Variants in RGS17 observed in about 807,000 individuals in gnomAD.
RGS17 encodes regulator of G-protein signaling 17.
In RGS17, 12 loss-of-function variants were observed where a neutral mutation model predicts 25.5. The ratio of observed to expected loss-of-function variants is 0.47; its 90% CI spans 0.30 to 0.76. RGS17 has a LOEUF of 0.76. Ranked by LOEUF, RGS17 falls within the 30% of genes least tolerant of loss-of-function variation. RGS17 has a pLI of 0.07. For synonymous variants in RGS17, 71 were observed against 76.9 expected, an observed-to-expected ratio of 0.92 and a Z score of 0.40; for missense variants, 196 against 242.2, an observed-to-expected ratio of 0.81 and a Z score of 1.27.
chr6:153,104,648 A>G (rs946896045), intron 1 of RGS17, among the ~76,000 whole-genome samples: 10 of 152,206 alleles, frequency 6.6e-5, no homozygotes, highest in Non-Finnish European at 1.2e-4. Flanking sequence ...AGGATACAGT[A>G]GTGAATAAAA....
chr6:153,056,844 GTGT>G (rs1776568038), intron 1 of RGS17, among the ~76,000 whole-genome samples: 1 of 31,956 alleles, frequency 3.1e-5, no homozygotes, highest in Non-Finnish European at 7.2e-5. Context: ...AGGGCTGTGT[GTGT>G]GTGTGTGTGT....
At chr6:153,105,229 T>C (rs1777361793) in intron 1 of RGS17, among the ~76,000 whole-genome samples, 1 of 152,136 alleles carries the variant, frequency 6.6e-6, no homozygotes, top group African/African-American at 2.4e-5. Flanking sequence ...TACTTCATCG[T>C]CCAATTTAAT....
intron 1 of RGS17, among the ~76,000 whole-genome samples, chr6:153,103,846 G>A (rs1006954332): frequency 5.3e-5 from 8 of 152,298 alleles, no homozygotes; most frequent in Admixed American, 5.2e-4. Context: ...TAGAGGAAGA[G>A]AGGTAAACAT....
chr6:153,098,086 T>C (rs1480453774), intron 1 of RGS17, among the ~76,000 whole-genome samples: 1 of 152,164 alleles, frequency 6.6e-6, no homozygotes, highest in East Asian at 1.9e-4. Context: ...TCAGGTTTCT[T>C]AGATCGAGAA....
rs537585268 is a variant in RGS17 at position 153,130,785 on chromosome 6, C to T, written c.-26+339G>A. On this transcript the variant is annotated intron_variant, in intron 1 of 4. Transcript: ENST00000206262. The surrounding 1 kb of genome is among the most constrained non-coding windows in gnomAD (Gnocchi z 6.4). ...CCCCCAGCAGGCGCCCCGCTCTCCG[C>T]GGGAACTCTGGGACCTGGCCGAGCG... is the stretch of plus-strand genomic sequence containing the variant. 1.3e-5 allele frequency among the ~76,000 whole-genome samples: 2 copies of T among 152,214 alleles called. No individual in the cohort carries two copies. The highest frequency in any genetic ancestry group is 4.1e-4 in the South Asian group (2 of 4,830).
chr6:153,123,222 G>C (rs900054418), intron 1 of RGS17, among the ~76,000 whole-genome samples: 1 of 151,960 alleles, frequency 6.6e-6, no homozygotes, highest in African/African-American at 2.4e-5. Context: ...TAAACTCATA[G>C]GTCACAGGTA....
At chr6:153,025,687 CAT>C (rs1306428826) in intron 3 of RGS17, among the ~76,000 whole-genome samples, 4 of 126,120 alleles carry the variant, frequency 3.2e-5, no homozygotes, top group South Asian at 2.9e-4. Context: ...TATATATAAA[CAT>C]ATATATAAAA....
At chr6:153,020,105 A>T (rs1427310383) in intron 4 of RGS17, among the ~76,000 whole-genome samples, 1,119 of 23,100 alleles carry the variant, frequency 0.048, 31 homozygotes, top group Non-Finnish European at 0.072. Flanking sequence ...TATCTTAAAA[A>T]AAAAAAATAT....
intron 1 of RGS17, among the ~76,000 whole-genome samples, chr6:153,057,252 C>T (rs1055306610): frequency 6.6e-6 from 1 of 151,976 alleles, no homozygotes; most frequent in South Asian, 2.1e-4. Flanking sequence ...AATGCTCCTC[C>T]ATCTTTCTTA....
intron 1 of RGS17, among the ~76,000 whole-genome samples, chr6:153,062,104 C>T (rs1025403007): frequency 6.6e-6 from 1 of 151,112 alleles, no homozygotes; most frequent in South Asian, 2.1e-4. Flanking sequence ...CCGCCCACCC[C>T]ACCCTTCACA....
chr6:153,024,924 T>A (rs1366834962), intron 3 of RGS17, among the ~76,000 whole-genome samples: 2 of 152,136 alleles, frequency 1.3e-5, no homozygotes, highest in Non-Finnish European at 2.9e-5. Context: ...TACAGTTTTT[T>A]TTTCTCATCT....
intron 2 of RGS17, among the ~76,000 whole-genome samples, chr6:153,042,681 AT>A (rs1203293628): frequency 6.6e-6 from 1 of 152,244 alleles, no homozygotes; most frequent in Non-Finnish European, 1.5e-5. Flanking sequence ...ATTGATATCT[AT>A]AAAAACTACT....
intron 1 of RGS17, among the ~76,000 whole-genome samples, chr6:153,101,231 C>T (rs569150612): frequency 1.6e-4 from 25 of 152,248 alleles, no homozygotes; most frequent in Admixed American, 7.8e-4. Context: ...ATTTGAACTG[C>T]GGAGTCCACT....
At chr6:153,094,883 A>G (rs979216457) in intron 1 of RGS17, among the ~76,000 whole-genome samples, 8 of 136,316 alleles carry the variant, frequency 5.9e-5, no homozygotes, top group African/African-American at 8.4e-5. Context: ...AGAATATTTA[A>G]TTTTTAAACA....
chr6:153,027,674 G>A (rs1779317420), intron 2 of RGS17, among the ~76,000 whole-genome samples: 1 of 152,140 alleles, frequency 6.6e-6, no homozygotes, highest in African/African-American at 2.4e-5. Context: ...AAAGTGAGGT[G>A]CAGACCCGTC....
chr6:153,027,990 C>A (rs190451505), intron 2 of RGS17, among the ~76,000 whole-genome samples: 4 of 152,016 alleles, frequency 2.6e-5, no homozygotes, highest in Non-Finnish European at 4.4e-5. Context: ...AGCGTGAGGA[C>A]GGAGAGAATG....
chr6:153,067,384 AGAC>A (rs1028347749), intron 1 of RGS17, among the ~76,000 whole-genome samples: 1 of 152,166 alleles, frequency 6.6e-6, no homozygotes, highest in African/African-American at 2.4e-5. Context: ...CCTTGTTTGC[AGAC>A]GATATGATCT....
At chr6:153,018,099 G>A (rs1209833976) in intron 4 of RGS17, among the ~76,000 whole-genome samples, 1 of 151,914 alleles carries the variant, frequency 6.6e-6, no homozygotes, top group Admixed American at 6.6e-5. Context: ...TTATTGGTAG[G>A]GTAAACTGTA....
chr6:153,088,649 T>C (rs555960884), intron 1 of RGS17, among the ~76,000 whole-genome samples: 9 of 152,144 alleles, frequency 5.9e-5, no homozygotes, highest in East Asian at 5.8e-4. Flanking sequence ...CTTCAGCTTG[T>C]TGGCATCTCT....
Sources: allele counts gnomAD v4.1 joint callset (sites outside exome capture counted in the v4.1 genomes callset), GRCh38; gene constraint gnomAD v4.1.1; non-coding constraint Gnocchi (gnomAD v3.1); transcripts MANE v1.5; gene names NCBI Gene and HGNC (gene_info 2026-07-23, HGNC 2026-07-21).